The following ZMYM4 variants were observed in gnomAD, a reference collection of about 807,000 sequenced individuals.
The protein encoded by ZMYM4 is zinc finger MYM-type protein 4.
In ZMYM4, 31 loss-of-function variants were observed where a neutral mutation model predicts 183.2. The observed-to-expected ratio is 0.17, with a 90% confidence interval of 0.13 to 0.23. ZMYM4 has a LOEUF of 0.23. ZMYM4 is among the 10% of genes least tolerant of loss of function. The pLI is 1.00. For missense variants in ZMYM4, 1,273 were observed against 1,840.3 expected, an observed-to-expected ratio of 0.69 and a Z score of 5.64; for synonymous variants, 592 against 631.2, an observed-to-expected ratio of 0.94 and a Z score of 0.93.
chr1:35,419,800 C>G lies in ZMYM4; in HGVS notation c.*123C>G. The G allele has an allele frequency of 1.0e-6, 1 of 980,226 alleles. No homozygotes were observed. The highest frequency in any genetic ancestry group is 2.2e-5 in the Admixed American group (1 of 44,474). 60.7% of individuals were successfully genotyped at this position (980,226 alleles called of 1,614,324 possible). On this transcript the variant is annotated 3_prime_UTR_variant, in exon 30 of 30. Transcript: ENST00000314607. ...GACTTGACCATAAGATCATGGAAAACAGATGACTTGTGAACCCCACAGTGT... is the reference window on the plus strand; with the variant it reads ...GACTTGACCATAAGATCATGGAAAAGAGATGACTTGTGAACCCCACAGTGT...
At position 35,348,150 on chromosome 1, in the gene ZMYM4, A is replaced by G. The variant is rs486109; in HGVS notation, c.86-10775A>G. 8.7e-3 allele frequency among the ~76,000 whole-genome samples: 1,323 copies of G among 152,362 alleles called. 22 individuals carry two copies. Among genetic ancestry groups the G allele is most frequent in the African/African-American group, 0.026 (1,071 of 41,590 alleles). On this transcript the variant is annotated intron_variant, in intron 2 of 29. Coordinates refer to ENST00000314607, the MANE Select transcript of ZMYM4 (RefSeq NM_005095.3). ...ATAAAATGGTTTATACTGTACTTCA[A>G]AGTCATAATTTTTAAAGCCTTAGTG...
chr1:35,286,691 T>C (rs1640505182), intron 1 of ZMYM4, among the ~76,000 whole-genome samples: 1 of 148,728 alleles, frequency 6.7e-6, no homozygotes, highest in Non-Finnish European at 1.5e-5. Context: ...CTTGACCTCC[T>C]GGGCTCAAGC....
chr1:35,278,074 G>T (rs1639960002), intron 1 of ZMYM4, among the ~76,000 whole-genome samples: 1 of 152,132 alleles, frequency 6.6e-6, no homozygotes. Context: ...ATCTTTGCTT[G>T]TCTCTTCTAT....
intron 27 of ZMYM4, among the ~76,000 whole-genome samples, chr1:35,415,250 A>C (rs1640068865): frequency 6.6e-6 from 1 of 152,210 alleles, no homozygotes; most frequent in African/African-American, 2.4e-5. Flanking sequence ...CAATAGATTA[A>C]AACGGTTTCA....
At chr1:35,297,667 A>G (rs1372985819) in intron 1 of ZMYM4, among the ~76,000 whole-genome samples, 1 of 152,188 alleles carries the variant, frequency 6.6e-6, no homozygotes, top group African/African-American at 2.4e-5. Context: ...AGTTAAGTGC[A>G]ACAGCCATTT....
At chr1:35,392,983 C>T (rs1040377997) in intron 17 of ZMYM4, among the ~76,000 whole-genome samples, 5 of 152,124 alleles carry the variant, frequency 3.3e-5, no homozygotes, top group African/African-American at 1.2e-4. Flanking sequence ...GTGATGTACT[C>T]AGATTATAAA....
chr1:35,389,754 CAAAA>C lies in ZMYM4; in HGVS notation c.2437-182_2437-179del, dbSNP rs1173420649. 5.5e-5 allele frequency among the ~76,000 whole-genome samples: 5 copies of C among 91,538 alleles called. No individual in the cohort carries two copies. The highest frequency in any genetic ancestry group is 3.4e-4 in the East Asian group (1 of 2,966). The allele number at this position is 91,538 out of a possible 152,430, so 60.1% of individuals were successfully genotyped here. ...TGGGCGATAGAGCAAGGCTCTGTCT[CAAAA>C]AAAAAAAAAAATATATATATATATG... On this transcript the variant is annotated intron_variant, in intron 14 of 29. Coordinates refer to ENST00000314607, the MANE Select transcript of ZMYM4 (RefSeq NM_005095.3). This position sits in a 1 kb window ranked among gnomAD's most constrained non-coding sequence, Gnocchi z 4.0.
At chr1:35,413,909 A>C in intron 26 of ZMYM4, 63 bp from the exon 27 acceptor site, 1 of 1,002,116 alleles carries the variant, frequency 1.0e-6, no homozygotes, top group Non-Finnish European at 1.5e-6. Context: ...TCTTACAATA[A>C]TTTTTTAAGA....
rs547827563 is a variant in ZMYM4, at chr1:35,371,232, C to T, written c.1181+605C>T. On this transcript the variant is annotated intron_variant, in intron 7 of 29. Transcript: ENST00000314607. ...CCGGGTTCATGCCATTCTCCTGCCT[C>T]GGCCTCCTGAGTAGCTGGGACTACA... Among the ~76,000 whole-genome samples, 30 of 152,090 alleles carry T rather than the reference C, an allele frequency of 2.0e-4. No individual in the cohort carries two copies. In the Middle Eastern group the frequency reaches 0.014, roughly 69 times the overall value.
rs899558937 is a variant in ZMYM4 at position 35,268,881 on chromosome 1, C to T, written c.-166C>T. 6 of 694,750 alleles carry T rather than the reference C, an allele frequency of 8.6e-6. No individual in the cohort carries two copies. The highest frequency in any genetic ancestry group is 5.7e-5 in the African/African-American group (3 of 53,088). 43.0% of individuals were successfully genotyped at this position (694,750 alleles called of 1,614,324 possible). A position where few individuals can be genotyped will look rare whatever the true frequency, so the allele number is the denominator to read the frequency against. ...CCCGTGGGATCTCAGAAGCTGCGGC[C>T]CGGCGCGCGGCATCCGCCCCCTCCC... On this transcript the variant is annotated 5_prime_UTR_variant, in exon 1 of 30. Coordinates refer to ENST00000314607, the MANE Select transcript of ZMYM4 (RefSeq NM_005095.3).
chr1:35,313,390 C>CTTTTTTTTTTTT (rs36112055), intron 1 of ZMYM4, among the ~76,000 whole-genome samples: 2 of 131,580 alleles, frequency 1.5e-5, no homozygotes, highest in East Asian at 2.1e-4. Context: ...TTTTCTTTTT[C>CTTTTTTTTTTTT]TTTTTTTTTT....
At chr1:35,376,250 G>A (rs1558116732) in intron 7 of ZMYM4, among the ~76,000 whole-genome samples, 2 of 152,052 alleles carry the variant, frequency 1.3e-5, no homozygotes, top group African/African-American at 2.4e-5. Context: ...TTCTCATTCT[G>A]TCATAAGATA....
Position 35,381,737 on chromosome 1 carries a change from G to A in ZMYM4, c.1548G>A (p.Ser516=), listed in dbSNP as rs375407002. The change falls in exon 9 of 30, where the codon TCG becomes TCA. Residue 516 remains serine (S), a synonymous_variant. Transcript: ENST00000314607. The part of the protein sequence containing the change: ...EGQSKKFCSS[S]CITAYKQKSA... Reference sequence around the variant, plus strand: ...AGTCTAAGAAGTTTTGTAGTTCATCGTGTATCACGGCATACAAGCAGGTAC... The same window carrying A: ...AGTCTAAGAAGTTTTGTAGTTCATCATGTATCACGGCATACAAGCAGGTAC... 4.6e-5 allele frequency: 75 copies of A among 1,614,110 alleles called. No individual in the cohort carries two copies. In the East Asian group the frequency reaches 5.8e-4, roughly 12 times the overall value.
chr1:35,398,410 T>C lies in ZMYM4; in HGVS notation c.3200-3T>C, dbSNP rs188491753. 3,492 of 1,608,670 alleles carry C rather than the reference T, an allele frequency of 2.2e-3. 6 individuals carry two copies. Among genetic ancestry groups the C allele is most frequent in the Non-Finnish European group, 2.7e-3 (3,153 of 1,178,128 alleles). On this transcript the variant is annotated splice_region_variant and splice_polypyrimidine_tract_variant and intron_variant, in intron 20 of 29. Transcript: ENST00000314607. ...TTATTTATGTGCTTTTCTTTTTCTTTAGAGTCCCAAACTTCTGAACACGAA... is the reference window on the plus strand; with the variant it reads ...TTATTTATGTGCTTTTCTTTTTCTTCAGAGTCCCAAACTTCTGAACACGAA...
intron 1 of ZMYM4, among the ~76,000 whole-genome samples, chr1:35,274,048 A>G (rs983012874): frequency 1.3e-5 from 2 of 152,186 alleles, no homozygotes; most frequent in Non-Finnish European, 2.9e-5. Context: ...TTATAATAAA[A>G]TAATTGCAAA....
In ZMYM4 at chr1:35,370,122, C is replaced by CGGGGGTA. The variant is rs748980315; in HGVS notation, c.925+9_925+10insGGGGGTA. On this transcript the variant is annotated intron_variant, in intron 6 of 29. Coordinates refer to ENST00000314607, the MANE Select transcript of ZMYM4 (RefSeq NM_005095.3). ...CAGTGGCAGCCCTCTTGGTAAGAAA[C>CGGGGGTA]AGACCTGAATAAATGGATTGTGTAT... 1 of 1,611,868 alleles carries CGGGGGTA rather than the reference C, an allele frequency of 6.2e-7. No individual in the cohort carries two copies. Among genetic ancestry groups the CGGGGGTA allele is most frequent in the Admixed American group, 1.7e-5 (1 of 59,878 alleles).
At chr1:35,338,070 T>G (rs141524501) in intron 2 of ZMYM4, among the ~76,000 whole-genome samples, 1 of 152,344 alleles carries the variant, frequency 6.6e-6, no homozygotes, top group African/African-American at 2.4e-5. Context: ...CTTTTGATTG[T>G]TTTTTAAACT....
At chr1:35,368,402 G>A (rs1273199045) in intron 5 of ZMYM4, among the ~76,000 whole-genome samples, 1 of 152,132 alleles carries the variant, frequency 6.6e-6, no homozygotes, top group South Asian at 2.1e-4. Flanking sequence ...CACAAAAATG[G>A]AAACAAATAT....
chr1:35,270,353 T>A, intron 1 of ZMYM4, among the ~76,000 whole-genome samples: 1 of 152,196 alleles, frequency 6.6e-6, no homozygotes, highest in East Asian at 1.9e-4. Flanking sequence ...CAAAGAAGTG[T>A]CAAGTATTAT....
Sources: gnomAD v4.1 joint callset for allele counts (sites outside exome capture counted in the v4.1 genomes callset) on GRCh38, gnomAD v4.1.1 for gene constraint, Gnocchi (gnomAD v3.1) non-coding constraint, MANE v1.5 for transcripts, NCBI Gene and HGNC (gene_info 2026-07-23, HGNC 2026-07-21) for gene names.